Variants in OCRL observed in about 807,000 individuals in gnomAD.
The protein encoded by OCRL is OCRL inositol polyphosphate-5-phosphatase, also known as inositol polyphosphate 5-phosphatase OCRL.
Under a neutral mutation model 78.9 loss-of-function variants are expected in OCRL, and 8 were observed. The ratio of observed to expected loss-of-function variants is 0.10; its 90% CI spans 0.06 to 0.18. The LOEUF (loss-of-function observed/expected upper bound fraction) is 0.18. Ranked by LOEUF, OCRL falls within the 10% of genes least tolerant of loss-of-function variation. OCRL has a pLI of 1.00. For missense variants in OCRL, 454 were observed against 696.7 expected (o/e 0.65, Z 3.92); for synonymous variants, 240 against 235.4 (o/e 1.02, Z -0.18).
chrX:129,559,088 T>A, intron 8 of OCRL, 87 bp downstream of exon 8: 1 of 877,922 alleles, frequency 1.1e-6, no homozygotes, highest in Non-Finnish European at 1.6e-6. Context: ...TTAGCCTAAT[T>A]AAGAATCAAA....
intron 12 of OCRL, among the ~76,000 whole-genome samples, 174 bp from the exon 13 acceptor site, chrX:129,565,598 C>T (rs751444139): frequency 8.9e-6 from 1 of 112,249 alleles, no homozygotes; most frequent in African/African-American, 3.2e-5. Flanking sequence ...TCCATTGTCT[C>T]TCTCAGGTGT....
Position 129,567,237 on chromosome X carries a change from C to G in OCRL, c.1357-17C>G. 1.8e-6 allele frequency: 2 copies of G among 1,095,135 alleles called. No individual in the cohort carries two copies. The highest frequency in any genetic ancestry group is 1.8e-5 in the African/African-American group (1 of 55,628). 90.3% of individuals were successfully genotyped at this position (1,095,135 alleles called of 1,213,427 possible). ...ATAGTGTTATCCTGCTTATTTGATG[C>G]TTCTTTCTATCTGTAGCTAAATATT... On this transcript the variant is annotated splice_polypyrimidine_tract_variant and intron_variant, in intron 13 of 23. Transcript: ENST00000371113.
At position 129,548,585 on chromosome X, in the gene OCRL, T is replaced by C; in HGVS notation, c.222T>C (p.Ile74=). The change falls in exon 4 of 24, where the codon ATT becomes ATC. Residue 74 remains isoleucine, a synonymous_variant. Coordinates refer to ENST00000371113, the MANE Select transcript of OCRL (RefSeq NM_000276.4). Reference sequence around the variant, plus strand: ...CAGAAGCAGAAGAAACTCTTTTGATTGACATAGCTTCTAACAGTGAGTATC... The same window carrying C: ...CAGAAGCAGAAGAAACTCTTTTGATCGACATAGCTTCTAACAGTGAGTATC... ...CVQEAEETLL[I]DIASNSGCKI... The C allele has an allele frequency of 8.3e-7, 1 of 1,201,966 alleles. No individual in the cohort carries two copies. The highest frequency in any genetic ancestry group is 1.1e-6 in the Non-Finnish European group (1 of 886,714).
At position 129,591,839 on chromosome X, in the gene OCRL, G is replaced by T. The variant is rs1361221517; in HGVS notation, c.*1569G>T. ...TGCCACAGATCTGGAGGTATGATAG[G>T]TCAGGGGCTAGGTGTTGAACTTAGT... On this transcript the variant is annotated 3_prime_UTR_variant, in exon 24 of 24. Coordinates refer to ENST00000371113, the MANE Select transcript of OCRL (RefSeq NM_000276.4). 2 of 113,019 alleles carry T rather than the reference G, an allele frequency of 1.8e-5. No homozygotes were observed. Among genetic ancestry groups the T allele is most frequent in the African/African-American group, 6.5e-5 (2 of 30,589 alleles). The allele number at this position is 113,019 out of a possible 1,213,427, so 9.3% of individuals were successfully genotyped here.
rs1463437993 is a variant in OCRL at position 129,540,656 on chromosome X, G to GA, written c.40-88_40-87insA. 2.8e-3 allele frequency: 2,188 copies of GA among 769,350 alleles called. 17 individuals carry two copies. Among genetic ancestry groups the GA allele is most frequent in the Non-Finnish European group, 3.1e-3 (1,616 of 515,871 alleles). The allele number at this position is 769,350 out of a possible 1,213,427, so 63.4% of individuals were successfully genotyped here. On this transcript the variant is annotated intron_variant, in intron 1 of 23. Coordinates refer to ENST00000371113, the MANE Select transcript of OCRL (RefSeq NM_000276.4). ...GGCGGGGCGGGGGAGGGCGGCGGTG[G>GA]GGGGGGGGTGGAAGACCCCCTTCGC...
At chrX:129,564,208 A>T (rs1465976603) in intron 12 of OCRL, among the ~76,000 whole-genome samples, 4 of 111,126 alleles carry the variant, frequency 3.6e-5, no homozygotes, top group African/African-American at 1.3e-4. Flanking sequence ...AATCATTAAA[A>T]AGTCAGGAGA....
At chrX:129,565,356 T>G (rs1032527751) in intron 12 of OCRL, among the ~76,000 whole-genome samples, 1 of 111,831 alleles carries the variant, frequency 8.9e-6, no homozygotes, top group Admixed American at 9.4e-5. Context: ...ACTCAGACCA[T>G]GCAGACTTCA....
intron 13 of OCRL, 133 bp from the exon 14 acceptor site, chrX:129,567,121 A>C: frequency 3.9e-6 from 2 of 506,563 alleles, no homozygotes. Context: ...AATTTCATTT[A>C]TGTACTCTCA....
At chrX:129,589,813 T>C in intron 22 of OCRL, 32 bp from the exon 23 acceptor site, 1 of 1,029,993 alleles carries the variant, frequency 9.7e-7, no homozygotes, top group Non-Finnish European at 1.4e-6. Context: ...CCACCTGTTT[T>C]TCTCACTGCC....
At position 129,569,791 on chromosome X, in the gene OCRL, T is replaced by A. The variant is rs1936272537; in HGVS notation, c.1602+392T>A. 1.2e-4 allele frequency among the ~76,000 whole-genome samples: 13 copies of A among 109,755 alleles called. No individual in the cohort carries two copies. The South Asian group carries it at 5.3e-3, about 44-fold the overall frequency. Reference sequence around the variant, plus strand: ...ACAGACTGATCAGAATACAGCCAACTCTGTATATTGTCTTAAGGGATATAG... The same window carrying A: ...ACAGACTGATCAGAATACAGCCAACACTGTATATTGTCTTAAGGGATATAG... On this transcript the variant is annotated intron_variant, in intron 15 of 23. Transcript: ENST00000371113.
chrX:129,549,518 G>GT (rs765539305), intron 4 of OCRL: 151 of 102,669 alleles, frequency 1.5e-3, no homozygotes, highest in East Asian at 2.7e-3. Flanking sequence ...TCTGGCTTGA[G>GT]TTTTTTTTTT....
rs754667025 is a variant in OCRL, at chrX:129,590,379, G to T, written c.*109G>T. On this transcript the variant is annotated 3_prime_UTR_variant, in exon 24 of 24. Coordinates refer to ENST00000371113, the MANE Select transcript of OCRL (RefSeq NM_000276.4). ...GGAAGGGTCTATTGCAGAATTTCAA[G>T]TTCTGTTTATAGTAAAAAGGAAGAG... 9.1e-6 allele frequency: 9 copies of T among 988,892 alleles called. No homozygotes were observed. In the African/African-American group the frequency reaches 1.7e-4, roughly 19 times the overall value. 81.5% of individuals were successfully genotyped at this position (988,892 alleles called of 1,213,427 possible).
At chrX:129,551,518 T>A (rs904130942) in intron 4 of OCRL, among the ~76,000 whole-genome samples, 1 of 111,860 alleles carries the variant, frequency 8.9e-6, no homozygotes, top group Non-Finnish European at 1.9e-5. Flanking sequence ...CACTGCAAGC[T>A]CCGCCTTCCA....
intron 19 of OCRL, among the ~76,000 whole-genome samples, chrX:129,585,417 T>C (rs987972800): frequency 3.6e-5 from 4 of 112,334 alleles, no homozygotes; most frequent in Non-Finnish European, 1.9e-5. Flanking sequence ...CAGTTGGATG[T>C]CAGACTTTTT....
At chrX:129,579,772 G>T (rs1416016644) in intron 18 of OCRL, among the ~76,000 whole-genome samples, 1 of 112,146 alleles carries the variant, frequency 8.9e-6, no homozygotes, top group African/African-American at 3.2e-5. Flanking sequence ...TTACACACTG[G>T]ATACAAAGTA....
intron 19 of OCRL, among the ~76,000 whole-genome samples, chrX:129,585,739 G>A (rs1163683724): frequency 8.9e-6 from 1 of 111,950 alleles, no homozygotes; most frequent in Non-Finnish European, 1.9e-5. Context: ...GTAACCAACT[G>A]TCACACTCCC....
intron 12 of OCRL, among the ~76,000 whole-genome samples, chrX:129,565,103 A>G (rs745503576): frequency 1.1e-3 from 124 of 112,022 alleles, no homozygotes; most frequent in Non-Finnish European, 1.9e-3. Flanking sequence ...AGATTGTCAG[A>G]ATGACCCATT....
chrX:129,581,823 C>G (rs950382687), intron 18 of OCRL, among the ~76,000 whole-genome samples: 1 of 91,056 alleles, frequency 1.1e-5, no homozygotes, highest in African/African-American at 4.5e-5. Context: ...TGAATGATCC[C>G]TTTGTCTTTC....
intron 10 of OCRL, among the ~76,000 whole-genome samples, chrX:129,562,062 C>T (rs1327831522): frequency 8.9e-6 from 1 of 111,850 alleles, no homozygotes; most frequent in Non-Finnish European, 1.9e-5. Context: ...GTGGAAGGAA[C>T]AAGCTGGGAT....
Sources: allele counts gnomAD v4.1 joint callset (sites outside exome capture counted in the v4.1 genomes callset), GRCh38; gene constraint gnomAD v4.1.1; transcripts MANE v1.5; gene names NCBI Gene and HGNC (gene_info 2026-07-23, HGNC 2026-07-21).